Variants in GULP1 observed in about 807,000 individuals in gnomAD.
GULP1 encodes PTB domain-containing engulfment adapter protein 1.
A neutral mutation model predicts 40.9 loss-of-function variants in GULP1; 19 were observed. That is an observed-to-expected ratio of 0.46 (90% confidence interval 0.32 to 0.68). The LOEUF (loss-of-function observed/expected upper bound fraction) is 0.68. GULP1 is among the 30% of genes least tolerant of loss of function. The probability of loss-of-function intolerance (pLI) is 0.03; values close to 1 mark genes in which losing one functional copy is unlikely to be tolerated. For synonymous variants in GULP1, 119 were observed against 117.6 expected, an observed-to-expected ratio of 1.01 and a Z score of -0.08; for missense variants, 312 against 362.2, an observed-to-expected ratio of 0.86 and a Z score of 1.12.
At chr2:188,468,156 T>C (rs969426002) in intron 2 of GULP1, among the ~76,000 whole-genome samples, 6 of 152,186 alleles carry the variant, frequency 3.9e-5, no homozygotes, top group African/African-American at 1.4e-4. Context: ...TTTTGTTTAG[T>C]AGAACTGTCT....
chr2:188,556,492 T>C (rs1182150708), intron 7 of GULP1, among the ~76,000 whole-genome samples: 1 of 152,198 alleles, frequency 6.6e-6, no homozygotes, highest in East Asian at 1.9e-4. Context: ...TGTATTTCAC[T>C]GAGCTTCTTT....
chr2:188,552,322 G>C (rs1223655392), intron 7 of GULP1, among the ~76,000 whole-genome samples: 1 of 151,398 alleles, frequency 6.6e-6, no homozygotes, highest in East Asian at 1.9e-4. Flanking sequence ...AAGTTTTTAG[G>C]CCACTTTGAG....
Position 188,496,956 on chromosome 2 carries a change from A to G in GULP1, c.90+13464A>G, listed in dbSNP as rs1039436785. Among the ~76,000 whole-genome samples the G allele has an allele frequency of 2.0e-5, 3 of 151,870 alleles. No homozygotes were observed. In the East Asian group the frequency reaches 5.8e-4, roughly 29 times the overall value. ...TCCTGCTTCCCTTTCGCCTTTCACC[A>G]TATTGGAAAGTTTCCTGAGGTCTCT... On this transcript the variant is annotated intron_variant, in intron 4 of 11. Coordinates refer to ENST00000409830, the MANE Select transcript of GULP1 (RefSeq NM_016315.4).
At chr2:188,504,094 T>C (rs1359317328) in intron 4 of GULP1, among the ~76,000 whole-genome samples, 1 of 151,908 alleles carries the variant, frequency 6.6e-6, no homozygotes, top group Non-Finnish European at 1.5e-5. Flanking sequence ...CTAAAAATGA[T>C]GCTTTGGAGA....
chr2:188,584,418 C>T lies in GULP1; in HGVS notation c.748+15C>T. ...TACTGAGATTAGTAAGCTTTCTCAA[C>T]AAATCAAAGTTTCTTGTTATAGTTG... is the stretch of plus-strand genomic sequence containing the variant. On this transcript the variant is annotated intron_variant, in intron 10 of 11. Coordinates refer to ENST00000409830, the MANE Select transcript of GULP1 (RefSeq NM_016315.4). The T allele has an allele frequency of 6.6e-7, 1 of 1,512,122 alleles. No homozygotes were observed. Among genetic ancestry groups the T allele is most frequent in the Non-Finnish European group, 9.0e-7 (1 of 1,110,200 alleles). The allele number at this position is 1,512,122 out of a possible 1,614,324, so 93.7% of individuals were successfully genotyped here.
intron 2 of GULP1, among the ~76,000 whole-genome samples, chr2:188,424,776 T>C (rs2055937909): frequency 6.6e-6 from 1 of 152,132 alleles, no homozygotes; most frequent in Non-Finnish European, 1.5e-5. Flanking sequence ...TTTTTCTCTC[T>C]GTTTTTGTTT....
chr2:188,442,697 T>C (rs1402209794), intron 2 of GULP1, among the ~76,000 whole-genome samples: 1 of 152,204 alleles, frequency 6.6e-6, no homozygotes, highest in African/African-American at 2.4e-5. Context: ...TAAAATTGGG[T>C]TATAAAATTC....
chr2:188,474,369 A>T (rs969494987), intron 2 of GULP1, among the ~76,000 whole-genome samples: 1 of 152,142 alleles, frequency 6.6e-6, no homozygotes, highest in African/African-American at 2.4e-5. Context: ...GCCCCAGAAC[A>T]CTTTAGCCCA....
rs2043915768 is a variant in GULP1, at chr2:188,347,947, G to A, written c.-171-35816G>A. On this transcript the variant is annotated intron_variant, in intron 1 of 11. Transcript: ENST00000409830. ...AGCATTTTTGTTTGTTTTAATTGAA[G>A]AATTAACAGTCATTATCTGCTGAAA... 2.0e-5 allele frequency among the ~76,000 whole-genome samples: 3 copies of A among 151,988 alleles called. No individual in the cohort carries two copies. In the South Asian group the frequency reaches 6.2e-4, roughly 32 times the overall value.
At chr2:188,319,445 C>T (rs549972266) in intron 1 of GULP1, among the ~76,000 whole-genome samples, 4 of 152,174 alleles carry the variant, frequency 2.6e-5, no homozygotes, top group South Asian at 2.1e-4. Context: ...AGTGTATATT[C>T]TTTTAACTTG....
At chr2:188,568,371 T>C (rs1698277299) in intron 7 of GULP1, among the ~76,000 whole-genome samples, 1 of 152,188 alleles carries the variant, frequency 6.6e-6, no homozygotes, top group African/African-American at 2.4e-5. Flanking sequence ...ATAATGTTGA[T>C]TAAGTAAATA....
chr2:188,582,697 T>G (rs1051257118), intron 9 of GULP1: 5 of 351,542 alleles, frequency 1.4e-5, no homozygotes, highest in African/African-American at 1.1e-4. Context: ...TCTGGAGCCT[T>G]TGTGTGCCAT....
chr2:188,294,438 C>G (rs2034480713), intron 1 of GULP1: 1 of 152,118 alleles, frequency 6.6e-6, no homozygotes, highest in Non-Finnish European at 1.5e-5. Flanking sequence ...TTACTGCTTC[C>G]TAATTCCAAA....
intron 6 of GULP1, among the ~76,000 whole-genome samples, chr2:188,530,025 A>ACT (rs1687157906): frequency 6.6e-6 from 1 of 152,070 alleles, no homozygotes; most frequent in Admixed American, 6.6e-5. Flanking sequence ...AAAGGTGACA[A>ACT]CTCACCTGAT....
intron 7 of GULP1, among the ~76,000 whole-genome samples, chr2:188,568,111 T>C (rs1405966993): frequency 6.6e-6 from 1 of 152,116 alleles, no homozygotes; most frequent in Non-Finnish European, 1.5e-5. Context: ...AATACTATAT[T>C]TTTGTCTAAA....
At chr2:188,428,154 C>T (rs369010106) in intron 2 of GULP1, among the ~76,000 whole-genome samples, 51 of 152,290 alleles carry the variant, frequency 3.3e-4, no homozygotes, top group African/African-American at 7.9e-4. Context: ...TTCTCCCTTT[C>T]GGAATGGGGG....
In GULP1 at chr2:188,554,519, C is replaced by CT. The variant is rs200305841; in HGVS notation, c.399+13213dup. On this transcript the variant is annotated intron_variant, in intron 7 of 11. Coordinates refer to ENST00000409830, the MANE Select transcript of GULP1 (RefSeq NM_016315.4). ...CTGAGGGGATAGTAGAAATTATTAT[C>CT]TTTTTTTTTTTTCTAATTTGTTGAG... Among the ~76,000 whole-genome samples, 399 of 144,132 alleles carry CT rather than the reference C, an allele frequency of 2.8e-3. 1 individual carries two copies. Among genetic ancestry groups the CT allele is most frequent in the African/African-American group, 3.4e-3 (137 of 39,786 alleles). 94.6% of individuals were successfully genotyped at this position (144,132 alleles called of 152,430 possible). A position where few individuals can be genotyped will look rare whatever the true frequency, so the allele number is the denominator to read the frequency against.
chr2:188,456,610 G>T (rs1450899442), intron 2 of GULP1, among the ~76,000 whole-genome samples: 2 of 152,158 alleles, frequency 1.3e-5, no homozygotes, highest in Non-Finnish European at 2.9e-5. Context: ...GCAGGGGTGG[G>T]GTCATCATGG....
rs61616655 is a variant in GULP1 at position 188,541,493 on chromosome 2, C to T, written c.399+175C>T. On this transcript the variant is annotated intron_variant, in intron 7 of 11. Coordinates refer to ENST00000409830, the MANE Select transcript of GULP1 (RefSeq NM_016315.4). Reference sequence around the variant, plus strand: ...TTTATTTTGTCATGAGAATATGCTTCAGGATTTCATCTGTAACTAAATTCT... The same window carrying T: ...TTTATTTTGTCATGAGAATATGCTTTAGGATTTCATCTGTAACTAAATTCT... 3.6e-3 allele frequency: 2,414 copies of T among 672,780 alleles called. 52 individuals are homozygous for T. In the African/African-American group the frequency reaches 0.038, roughly 10 times the overall value. 41.7% of individuals were successfully genotyped at this position (672,780 alleles called of 1,614,324 possible).
Sources: gnomAD v4.1 joint callset for allele counts (sites outside exome capture counted in the v4.1 genomes callset) on GRCh38, gnomAD v4.1.1 for gene constraint, MANE v1.5 for transcripts, NCBI Gene and HGNC (gene_info 2026-07-23, HGNC 2026-07-21) for gene names.